EYA1: variants seen among roughly 807,000 people sequenced by gnomAD.
EYA1 encodes the protein EYA transcriptional coactivator and phosphatase 1.
Under a neutral mutation model 82.0 loss-of-function variants are expected in EYA1, and 16 were observed. That is an observed-to-expected ratio of 0.20 (90% confidence interval 0.13 to 0.30). The LOEUF (loss-of-function observed/expected upper bound fraction) is 0.30. Among genes scored for constraint, EYA1 ranks in the 10% least tolerant of loss-of-function variants. The pLI, the probability that EYA1 is intolerant of heterozygous loss-of-function variation, is 1.00. For synonymous variants in EYA1, 261 were observed against 264.4 expected (o/e 0.99, Z 0.12); for missense variants, 633 against 730.7 (o/e 0.87, Z 1.54).
intron 10 of EYA1, among the ~76,000 whole-genome samples, chr8:71,270,952 T>C (rs1040411198): frequency 5.9e-5 from 9 of 152,088 alleles, no homozygotes; most frequent in Admixed American, 2.0e-4. Flanking sequence ...ATGACGTCTC[T>C]ACTAAAAATA....
At chr8:71,204,654 T>G (rs961007647) in intron 17 of EYA1, among the ~76,000 whole-genome samples, 1 of 152,204 alleles carries the variant, frequency 6.6e-6, no homozygotes, top group Middle Eastern at 3.2e-3. Context: ...ATGAATTAAC[T>G]GAAAAAGCAG....
chr8:71,208,047 C>A (rs1380024718), intron 17 of EYA1, among the ~76,000 whole-genome samples: 1 of 152,136 alleles, frequency 6.6e-6, no homozygotes, highest in Non-Finnish European at 1.5e-5. Context: ...TAATTGGAAA[C>A]CCTCTAAAGA....
At chr8:71,265,748 G>A (rs896593426) in intron 11 of EYA1, among the ~76,000 whole-genome samples, 6 of 152,182 alleles carry the variant, frequency 3.9e-5, no homozygotes, top group African/African-American at 1.4e-4. Flanking sequence ...TCTGGAATTT[G>A]TTATTAGTTT....
chr8:71,445,624 T>C (rs940660034), intron 2 of EYA1, among the ~76,000 whole-genome samples: 3 of 152,212 alleles, frequency 2.0e-5, no homozygotes, highest in African/African-American at 7.2e-5. Flanking sequence ...TCACAAATCA[T>C]TCCAAACTTT....
chr8:71,365,647 C>G (rs1324063904), upstream of EYA1, among the ~76,000 whole-genome samples: 1 of 152,156 alleles, frequency 6.6e-6, no homozygotes, highest in Non-Finnish European at 1.5e-5. Context: ...TTCTTATGGT[C>G]CATGCCATGG....
chr8:71,292,644 G>C (rs1819128338), intron 9 of EYA1, among the ~76,000 whole-genome samples: 1 of 151,854 alleles, frequency 6.6e-6, no homozygotes, highest in Non-Finnish European at 1.5e-5. Flanking sequence ...AAATTTCTAA[G>C]ATTTTTCTCT....
intron 2 of EYA1, among the ~76,000 whole-genome samples, chr8:71,525,522 T>C (rs751099101): frequency 1.3e-5 from 2 of 152,182 alleles, no homozygotes; most frequent in Non-Finnish European, 2.9e-5. Context: ...TGTTAACATA[T>C]TTTGCCCACC....
At chr8:71,394,232 T>C (rs1829451150) in intron 2 of EYA1, among the ~76,000 whole-genome samples, 1 of 152,208 alleles carries the variant, frequency 6.6e-6, no homozygotes, top group South Asian at 2.1e-4. Context: ...TTTCTCCCAT[T>C]CTGTAGGTTG....
intron 2 of EYA1, among the ~76,000 whole-genome samples, chr8:71,381,988 G>T (rs1188588775): frequency 1.3e-5 from 2 of 152,152 alleles, no homozygotes; most frequent in African/African-American, 4.8e-5. Context: ...TTTACATCAG[G>T]CTAAGCATGT....
chr8:71,284,742 G>T lies in EYA1; in HGVS notation c.827-12845C>A, dbSNP rs137914602. On this transcript the variant is annotated intron_variant, in intron 9 of 17. Coordinates refer to ENST00000340726, the MANE Select transcript of EYA1 (RefSeq NM_000503.6). ...AACTTAACCGAATTCTGATGGAAAG[G>T]ATATCCTGTCATTGAGCCCATTTAA... 2.9e-3 allele frequency among the ~76,000 whole-genome samples: 441 copies of T among 152,262 alleles called. 9 individuals carry two copies. The highest frequency in any genetic ancestry group is 0.026 in the Admixed American group (395 of 15,298).
At chr8:71,287,780 C>A (rs1345564258) in intron 9 of EYA1, among the ~76,000 whole-genome samples, 1 of 152,244 alleles carries the variant, frequency 6.6e-6, no homozygotes, top group Non-Finnish European at 1.5e-5. Context: ...TTCCCAGCAC[C>A]AAGCACAGTG....
At chr8:71,307,050 T>C (rs1820808125) in intron 7 of EYA1, among the ~76,000 whole-genome samples, 1 of 152,150 alleles carries the variant, frequency 6.6e-6, no homozygotes, top group Non-Finnish European at 1.5e-5. Flanking sequence ...GAGAACACGA[T>C]TGTCATAAAG....
At chr8:71,244,753 T>C in intron 11 of EYA1, 61 bp from the exon 12 acceptor site, 1 of 1,017,446 alleles carries the variant, frequency 9.8e-7, no homozygotes, top group Non-Finnish European at 1.5e-6. Flanking sequence ...AAAGAGAGTG[T>C]CTCATTAAGA....
chr8:71,401,308 G>A lies in EYA1; in HGVS notation c.34-44797C>T, dbSNP rs569094819. The stretch of plus-strand genomic sequence containing the variant: ...CTTAAAATAAATTTTTTAAAAATCA[G>A]ACACAGCAAGAGTTTCTCTATTTTA... On this transcript the variant is annotated intron_variant, in intron 2 of 18. Coordinates refer to the EYA1 transcript ENST00000643681. Among the ~76,000 whole-genome samples the A allele has an allele frequency of 4.6e-5, 7 of 152,096 alleles. No homozygotes were observed. The South Asian group carries it at 1.2e-3, about 27-fold the overall frequency.
At position 71,277,881 on chromosome 8, in the gene EYA1, G is replaced by A. The variant is rs546099986; in HGVS notation, c.827-5984C>T. On this transcript the variant is annotated intron_variant, in intron 9 of 17. Transcript: ENST00000340726. ...AAATGAGAAATAGCTATCATTAAGA[G>A]CTCATTTAAAAGTTAATGTTTATAT... Among the ~76,000 whole-genome samples the A allele has an allele frequency of 1.7e-4, 26 of 152,192 alleles. No individual in the cohort carries two copies. The South Asian group carries it at 1.9e-3, about 11-fold the overall frequency.
chr8:71,296,295 G>A (rs888994977), intron 9 of EYA1, among the ~76,000 whole-genome samples: 3 of 151,662 alleles, frequency 2.0e-5, no homozygotes, highest in African/African-American at 4.9e-5. Flanking sequence ...AAGGAATTAC[G>A]TTTACAAGTA....
Position 71,299,029 on chromosome 8 carries a change from T to A in EYA1, c.826+18A>T. On this transcript the variant is annotated intron_variant, in intron 9 of 17. Transcript: ENST00000340726. ...TTGAAAATATCACCTGCAGGACTAA[T>A]AATATTCACATAATTACCTGCTGTG... The A allele has an allele frequency of 1.2e-6, 2 of 1,607,408 alleles. No individual in the cohort carries two copies.
rs1462564075 is a variant in EYA1 at position 71,322,259 on chromosome 8, C to T, written c.212G>A (p.Ser71Asn). ...LNNFSGSAIGSSSFSPRPTHQ... is the reference protein window; with the variant it reads ...LNNFSGSAIGNSSFSPRPTHQ... ...AGTTGGTCGTGGGCTGAAACTACTG[C>T]TCCCAATTGCTGGAAAACAAAAACA... Residue 71 changes from serine (S) to asparagine (N), a missense_variant, in exon 5 of 18, where the codon AGC becomes AAC. Ser to Asn is a conservative substitution (Grantham distance 46, BLOSUM62 1). Coordinates refer to ENST00000340726, the MANE Select transcript of EYA1 (RefSeq NM_000503.6). 6.2e-7 allele frequency: 1 copy of T among 1,613,794 alleles called. No individual in the cohort carries two copies. The highest frequency in any genetic ancestry group is 8.5e-7 in the Non-Finnish European group (1 of 1,179,718).
intron 7 of EYA1, among the ~76,000 whole-genome samples, chr8:71,309,146 A>G (rs918443175): frequency 3.9e-5 from 6 of 152,190 alleles, no homozygotes; most frequent in African/African-American, 1.4e-4. Flanking sequence ...CTTTTAACAC[A>G]GGTTATAAAG....
Sources: gnomAD v4.1 joint callset for allele counts (sites outside exome capture counted in the v4.1 genomes callset) on GRCh38, gnomAD v4.1.1 for gene constraint, MANE v1.5 for transcripts, NCBI Gene and HGNC (gene_info 2026-07-23, HGNC 2026-07-21) for gene names.